GPR89A: variants seen among roughly 807,000 people sequenced by gnomAD.
GPR89A encodes G protein-coupled receptor 89A.
GPR89A carries 16 observed loss-of-function variants against 52.0 expected under a neutral mutation model. The observed-to-expected ratio is 0.31, with a 90% CI of 0.21 to 0.47. The LOEUF (loss-of-function observed/expected upper bound fraction) is 0.47, where lower values mean the gene tolerates loss of function less well. GPR89A is among the 20% of genes least tolerant of loss of function. GPR89A has a pLI of 1.00. For missense variants in GPR89A, 135 were observed against 449.4 expected (o/e 0.30, Z 6.33); for synonymous variants, 55 against 150.9 (o/e 0.36, Z 4.66).
chr1:145,636,247 G>C (rs1650233121), intron 7 of GPR89A, among the ~76,000 whole-genome samples: 1 of 151,424 alleles, frequency 6.6e-6, no homozygotes, highest in African/African-American at 2.4e-5. Flanking sequence ...CAACACTGGG[G>C]CCCTTGGGAT....
Position 145,670,646 on chromosome 1 carries a change from A to C in GPR89A, c.*606A>C, listed in dbSNP as rs1241078461. ...TGCACCTGAAATAGATTTTACCAAAAGAGAGATTTCAGGTATGTCATTTTT... is the reference window on the plus strand; with the variant it reads ...TGCACCTGAAATAGATTTTACCAAACGAGAGATTTCAGGTATGTCATTTTT... On this transcript the variant is annotated 3_prime_UTR_variant, in exon 14 of 14. Coordinates refer to ENST00000313835, the MANE Select transcript of GPR89A (RefSeq NM_001097612.2). The C allele has an allele frequency of 1.2e-5, 2 of 168,352 alleles. No homozygotes were observed. The highest frequency in any genetic ancestry group is 4.8e-5 in the African/African-American group (2 of 41,496). The allele number at this position is 168,352 out of a possible 1,614,324, so 10.4% of individuals were successfully genotyped here. A position where few individuals can be genotyped will look rare whatever the true frequency, so the allele number is the denominator to read the frequency against.
intron 7 of GPR89A, among the ~76,000 whole-genome samples, chr1:145,635,764 G>C (rs1227208170): frequency 6.6e-6 from 1 of 152,186 alleles, no homozygotes; most frequent in Non-Finnish European, 1.5e-5. Context: ...TTCAAGACCA[G>C]CCTGGCCAAC....
chr1:145,623,774 T>C, intron 5 of GPR89A, 60 bp downstream of exon 5: 1 of 1,584,750 alleles, frequency 6.3e-7, no homozygotes. Flanking sequence ...ATTTTCTGAT[T>C]TCAAAAACAA....
At chr1:145,660,468 A>G (rs1652115814) in intron 10 of GPR89A, among the ~76,000 whole-genome samples, 1 of 151,962 alleles carries the variant, frequency 6.6e-6, no homozygotes, top group African/African-American at 2.4e-5. Flanking sequence ...ATCTAATTAA[A>G]CTAAAGAGCT....
At chr1:145,637,039 C>A (rs1407830146) in intron 7 of GPR89A, among the ~76,000 whole-genome samples, 1 of 152,118 alleles carries the variant, frequency 6.6e-6, no homozygotes, top group Non-Finnish European at 1.5e-5. Context: ...TGTATTTCCA[C>A]GGTAAACACC....
chr1:145,636,716 A>G (rs1650263089), intron 7 of GPR89A, among the ~76,000 whole-genome samples: 1 of 152,106 alleles, frequency 6.6e-6, no homozygotes, highest in Non-Finnish European at 1.5e-5. Context: ...CTTTCTACAG[A>G]AAATCATAAA....
chr1:145,625,801 T>C lies in GPR89A; in HGVS notation c.415+2087T>C, dbSNP rs587759723. Among the ~76,000 whole-genome samples the C allele has an allele frequency of 1.6e-3, 247 of 149,852 alleles. 5 individuals carry two copies. The highest frequency in any genetic ancestry group is 5.9e-3 in the African/African-American group (233 of 39,486). ...GATATTAATTGCTACCATCTCAAGG[T>C]ATCTATATCATCTATAAAACTTAAA... is the stretch of plus-strand genomic sequence containing the variant. On this transcript the variant is annotated intron_variant, in intron 5 of 13. Coordinates refer to ENST00000313835, the MANE Select transcript of GPR89A (RefSeq NM_001097612.2).
intron 8 of GPR89A, chr1:145,645,792 T>C: frequency 2.6e-6 from 1 of 387,538 alleles, no homozygotes; most frequent in Non-Finnish European, 5.0e-6. Flanking sequence ...AAAGTATTAG[T>C]TCCCTTTTCT....
chr1:145,616,165 A>G (rs1330357144), intron 1 of GPR89A, 69 bp from the exon 2 acceptor site: 8 of 1,079,516 alleles, frequency 7.4e-6, no homozygotes, highest in African/African-American at 1.6e-5. Context: ...CTTTTATCAT[A>G]AAAGAGTTTC....
intron 10 of GPR89A, among the ~76,000 whole-genome samples, chr1:145,657,705 A>T (rs1651903642): frequency 6.7e-6 from 1 of 149,858 alleles, no homozygotes. Flanking sequence ...TTTCTTCTTG[A>T]GTGAGCTCTT....
At chr1:145,614,732 A>G (rs1406502127) in intron 1 of GPR89A, among the ~76,000 whole-genome samples, 1 of 152,218 alleles carries the variant, frequency 6.6e-6, no homozygotes, top group Non-Finnish European at 1.5e-5. Flanking sequence ...GGATTATATA[A>G]AAAGCAATTT....
In GPR89A at chr1:145,616,245, T is replaced by G; in HGVS notation, c.54T>G (p.Phe18Leu). ...TCTTTCTCCTCCAGATACTATTTTTTGGATTTGGGTGGCTTTTCTTCATGC... is the reference window on the plus strand; with the variant it reads ...TCTTTCTCCTCCAGATACTATTTTTGGGATTTGGGTGGCTTTTCTTCATGC... ...SIMITSQILFFGFGWLFFMRQ... is the reference protein window; with the variant it reads ...SIMITSQILFLGFGWLFFMRQ... The change falls in exon 2 of 14, where the codon TTT becomes TTG. Residue 18 changes from phenylalanine to leucine, a missense_variant. By Grantham distance (22) the Phe-to-Leu change is conservative. Coordinates refer to ENST00000313835, the MANE Select transcript of GPR89A (RefSeq NM_001097612.2). 1 of 1,610,738 alleles carries G rather than the reference T, an allele frequency of 6.2e-7. No individual in the cohort carries two copies. Among genetic ancestry groups the G allele is most frequent in the Non-Finnish European group, 8.5e-7 (1 of 1,178,024 alleles).
chr1:145,629,075 G>A (rs767567172), intron 5 of GPR89A, among the ~76,000 whole-genome samples: 4 of 152,120 alleles, frequency 2.6e-5, no homozygotes, highest in Non-Finnish European at 5.9e-5. Context: ...CCAAGATGGT[G>A]GCGTAGGGGC....
chr1:145,634,766 GA>G (rs1262619120), intron 7 of GPR89A, among the ~76,000 whole-genome samples: 1 of 150,598 alleles, frequency 6.6e-6, no homozygotes, highest in Non-Finnish European at 1.5e-5. Context: ...TATAGCTAAG[GA>G]CAACTACTGA....
intron 3 of GPR89A, among the ~76,000 whole-genome samples, chr1:145,619,318 A>AGAG (rs1553687628): frequency 1.4e-5 from 2 of 147,284 alleles, no homozygotes; most frequent in African/African-American, 5.0e-5. Flanking sequence ...AAAAAAAAAG[A>AGAG]AGAGAGAGGG....
intron 10 of GPR89A, among the ~76,000 whole-genome samples, chr1:145,650,591 C>G (rs1197039156): frequency 7.3e-5 from 11 of 151,004 alleles, no homozygotes; most frequent in Non-Finnish European, 1.5e-5. Flanking sequence ...AGTTAATGTA[C>G]ATTCCCACCA....
In GPR89A at chr1:145,646,534, C is replaced by T. The variant is rs1267742220; in HGVS notation, c.816+262C>T. 9 of 448,858 alleles carry T rather than the reference C, an allele frequency of 2.0e-5. No individual in the cohort carries two copies. In the East Asian group the frequency reaches 2.9e-4, roughly 15 times the overall value. The allele number at this position is 448,858 out of a possible 1,614,324, so 27.8% of individuals were successfully genotyped here. ...CTTTTCAACATTTAGGAAGGTGGCA[C>T]GTACCACCTCCTACTAACCTGGGAT... On this transcript the variant is annotated intron_variant, in intron 9 of 13. Transcript: ENST00000313835.
chr1:145,634,979 T>C (rs1553690496), intron 7 of GPR89A, among the ~76,000 whole-genome samples: 1 of 152,154 alleles, frequency 6.6e-6, no homozygotes, highest in Non-Finnish European at 1.5e-5. Flanking sequence ...TTATTAAAGT[T>C]ATTATTACCC....
intron 1 of GPR89A, chr1:145,608,488 G>T: frequency 1.5e-6 from 1 of 670,478 alleles, no homozygotes; most frequent in Non-Finnish European, 2.4e-6. Flanking sequence ...GCGGTTCTAG[G>T]AGCTCCTCGA....
Sources: allele counts gnomAD v4.1 joint callset (sites outside exome capture counted in the v4.1 genomes callset), GRCh38; gene constraint gnomAD v4.1.1; transcripts MANE v1.5; gene names NCBI Gene and HGNC (gene_info 2026-07-23, HGNC 2026-07-21).